The following BRD1 variants were observed in gnomAD, a reference collection of about 807,000 sequenced individuals.
BRD1 encodes bromodomain-containing protein 1.
In BRD1, 24 loss-of-function variants were observed where a neutral mutation model predicts 107.7. The observed-to-expected ratio is 0.22, with a 90% CI of 0.16 to 0.31. The LOEUF (loss-of-function observed/expected upper bound fraction) is 0.31, where lower values mean the gene tolerates loss of function less well. BRD1 is among the 10% of genes least tolerant of loss of function. The pLI is 1.00. For missense variants in BRD1, 1,279 were observed against 1,638.6 expected (o/e 0.78, Z 3.79); for synonymous variants, 744 against 686.1 (o/e 1.08, Z -1.32).
Position 49,803,961 on chromosome 22 carries a change from G to A in BRD1, c.1524+243C>T, listed in dbSNP as rs144359018. Among the ~76,000 whole-genome samples the A allele has an allele frequency of 3.9e-4, 59 of 152,330 alleles. No homozygotes were observed. The highest frequency in any genetic ancestry group is 3.4e-3 in the Middle Eastern group (1 of 294). On this transcript the variant is annotated intron_variant, in intron 3 of 12. Transcript: ENST00000404760. This position sits in a 1 kb window ranked among gnomAD's most constrained non-coding sequence, Gnocchi z 4.4. Reference sequence around the variant, plus strand: ...TGCGGGCAGGGCAGGGCGGGGGAGCGCAACTCAAAACGGAAGAAACACCCA... The same window carrying A: ...TGCGGGCAGGGCAGGGCGGGGGAGCACAACTCAAAACGGAAGAAACACCCA...
chr22:49,819,369 A>G (rs2060019113), intron 2 of BRD1, among the ~76,000 whole-genome samples: 1 of 151,998 alleles, frequency 6.6e-6, no homozygotes, highest in South Asian at 2.1e-4. Flanking sequence ...AGGCAGGCAG[A>G]TTGCTTGACC....
intron 7 of BRD1, among the ~76,000 whole-genome samples, chr22:49,790,211 C>CA (rs1466327225): frequency 2.0e-5 from 3 of 152,212 alleles, no homozygotes; most frequent in Non-Finnish European, 4.4e-5. Context: ...CCGGACCGTT[C>CA]AGTGCCTCAG....
Position 49,823,728 on chromosome 22 carries a change from G to A in BRD1, c.590C>T (p.Ser197Leu), listed in dbSNP as rs758881963. 4.3e-6 allele frequency: 7 copies of A among 1,614,032 alleles called. No individual in the cohort carries two copies. The highest frequency in any genetic ancestry group is 1.1e-5 in the South Asian group (1 of 91,076). ...EFLMDRFEKE[S>L]HCENQKQGEQ... ...GCCCTGCTTCTGGTTCTCGCAGTGC[G>A]ACTCCTTCTCGAAGCGGTCCATCAG... is the stretch of plus-strand genomic sequence containing the variant. Residue 197 changes from serine to leucine, a missense_variant, in exon 2 of 13, where the codon TCG becomes TTG. Ser to Leu is a moderately radical substitution (Grantham distance 145). This residue lies in a region of BRD1 where 158 missense variants were observed against 310.2 expected (regional missense o/e 0.51). Coordinates refer to ENST00000404760, the MANE Select transcript of BRD1 (RefSeq NM_001304808.3).
At chr22:49,787,941 T>C in intron 7 of BRD1, 54 bp from the exon 8 acceptor site, 1 of 1,388,282 alleles carries the variant, frequency 7.2e-7, no homozygotes, top group Non-Finnish European at 9.6e-7. Flanking sequence ...ATAAAATCTA[T>C]TATAAAACTT....
chr22:49,795,461 C>T (rs1353427594), intron 6 of BRD1, among the ~76,000 whole-genome samples: 1 of 152,222 alleles, frequency 6.6e-6, no homozygotes, highest in East Asian at 1.9e-4. Flanking sequence ...TGTAGAAATT[C>T]ACTTAACAAC....
chr22:49,798,643 A>C lies in BRD1; in HGVS notation c.1700T>G (p.Leu567Arg). 1 of 1,613,308 alleles carries C rather than the reference A, an allele frequency of 6.2e-7. No homozygotes were observed. ...QVAMELRLTP[L>R]TVLLRSVLDQ... ...CAGCACTGAGCGCAGCAGCACCGTC[A>C]GCGGGGTCAGCCGCAGCTCCATGGC... is the stretch of plus-strand genomic sequence containing the variant. Residue 567 changes from leucine to arginine, a missense_variant, in exon 5 of 13, where the codon CTG becomes CGG. This residue lies in a region of BRD1 where 406 missense variants were observed against 519.4 expected (regional missense o/e 0.78). Coordinates refer to ENST00000404760, the MANE Select transcript of BRD1 (RefSeq NM_001304808.3).
chr22:49,784,083 C>T (rs970292777), intron 8 of BRD1, among the ~76,000 whole-genome samples: 5 of 152,100 alleles, frequency 3.3e-5, no homozygotes, highest in Admixed American at 6.5e-5. Flanking sequence ...CGCGCTCTCA[C>T]GCCCCAGCAC....
intron 3 of BRD1, among the ~76,000 whole-genome samples, chr22:49,801,795 C>A (rs1169417680): frequency 6.6e-6 from 1 of 152,228 alleles, no homozygotes; most frequent in Non-Finnish European, 1.5e-5. Context: ...CAGCGGGTCA[C>A]CTCTTCTTTG....
Position 49,803,185 on chromosome 22 carries a change from C to T in BRD1, c.1524+1019G>A, listed in dbSNP as rs2059673783. ...AAGGCAGCCACGGCAGGTGACTGAA[C>T]AGGGCTCACGCTGCAGAGGCAGAGT... On this transcript the variant is annotated intron_variant, in intron 3 of 12. Transcript: ENST00000404760. The surrounding 1 kb of genome is among the most constrained non-coding windows in gnomAD (Gnocchi z 4.4). 6.6e-6 allele frequency among the ~76,000 whole-genome samples: 1 copy of T among 152,244 alleles called. No individual in the cohort carries two copies. The highest frequency in any genetic ancestry group is 2.4e-5 in the African/African-American group (1 of 41,466).
chr22:49,789,311 A>G (rs2059387229), intron 7 of BRD1, among the ~76,000 whole-genome samples: 1 of 152,174 alleles, frequency 6.6e-6, no homozygotes, highest in Non-Finnish European at 1.5e-5. Context: ...CACTGGCCGG[A>G]GGGAACTGGG....
chr22:49,816,645 T>C (rs968879390), intron 2 of BRD1, among the ~76,000 whole-genome samples: 1 of 152,010 alleles, frequency 6.6e-6, no homozygotes, highest in Admixed American at 6.5e-5. Flanking sequence ...ACACCTGTAA[T>C]CTCAACACTT....
chr22:49,787,187 C>A (rs971267895), intron 8 of BRD1, among the ~76,000 whole-genome samples: 4 of 152,146 alleles, frequency 2.6e-5, no homozygotes, highest in African/African-American at 7.2e-5. Context: ...GGCAAACAGG[C>A]CCCCCACGAA....
At chr22:49,790,775 T>C (rs978494690) in intron 7 of BRD1, among the ~76,000 whole-genome samples, 1 of 152,190 alleles carries the variant, frequency 6.6e-6, no homozygotes, top group African/African-American at 2.4e-5. Context: ...GGGACAAAGC[T>C]GCGTACTCCG....
At chr22:49,800,206 C>G (rs982693994) in intron 3 of BRD1, among the ~76,000 whole-genome samples, 35 of 152,128 alleles carry the variant, frequency 2.3e-4, no homozygotes, top group African/African-American at 8.0e-4. Flanking sequence ...GCAAGGACCC[C>G]GGACTCCAAA....
intron 7 of BRD1, among the ~76,000 whole-genome samples, chr22:49,790,984 G>C (rs920205649): frequency 2.6e-5 from 4 of 152,362 alleles, no homozygotes; most frequent in Non-Finnish European, 5.9e-5. Context: ...CGAAATGCAA[G>C]CCCCTTTCAC....
intron 8 of BRD1, among the ~76,000 whole-genome samples, chr22:49,778,826 TA>T (rs1236160620): frequency 6.6e-6 from 1 of 152,096 alleles, no homozygotes; most frequent in African/African-American, 2.4e-5. Flanking sequence ...CATGCCTGGC[TA>T]ATTTTTTGTA....
chr22:49,809,884 G>T (rs1210620792), intron 2 of BRD1, among the ~76,000 whole-genome samples: 1 of 152,084 alleles, frequency 6.6e-6, no homozygotes, highest in African/African-American at 2.4e-5. Context: ...ATAAATTAAG[G>T]ATATTAAAAA....
rs114974340 is a variant in BRD1, at chr22:49,803,273, T to C, written c.1524+931A>G. 9.2e-3 allele frequency among the ~76,000 whole-genome samples: 1,401 copies of C among 152,302 alleles called. 26 individuals carry two copies. Among genetic ancestry groups the C allele is most frequent in the African/African-American group, 0.033 (1,354 of 41,568 alleles). On this transcript the variant is annotated intron_variant, in intron 3 of 12. Transcript: ENST00000404760. The surrounding 1 kb of genome is among the most constrained non-coding windows in gnomAD (Gnocchi z 4.4). ...CACGGGGACCCAACCGTGAACCCTG[T>C]AGACTCAAGCTTCCTGTGAGCAAGT...
At chr22:49,806,658 C>G (rs1163342832) in intron 2 of BRD1, 3 of 152,264 alleles carry the variant, frequency 2.0e-5, no homozygotes, top group Admixed American at 2.0e-4. Context: ...GGCCTGGGGG[C>G]AGCAGCCGCA....
Sources: allele counts gnomAD v4.1 joint callset (sites outside exome capture counted in the v4.1 genomes callset), GRCh38; gene constraint gnomAD v4.1.1; regional missense constraint gnomAD v4.1.1; non-coding constraint Gnocchi (gnomAD v3.1); transcripts MANE v1.5; gene names NCBI Gene and HGNC (gene_info 2026-07-23, HGNC 2026-07-21).